Variants in ADIPOR2 observed in about 807,000 individuals in gnomAD.
ADIPOR2 encodes the protein adiponectin receptor protein 2.
Under a neutral mutation model 40.9 loss-of-function variants are expected in ADIPOR2, and 18 were observed. The observed-to-expected ratio is 0.44, with a 90% CI of 0.30 to 0.65. The LOEUF is 0.65. Among genes scored for constraint, ADIPOR2 ranks in the 30% least tolerant of loss-of-function variants. The pLI is 0.09. For missense variants in ADIPOR2, 283 were observed against 479.2 expected (o/e 0.59, Z 3.82); for synonymous variants, 165 against 166.4 (o/e 0.99, Z 0.06).
At chr12:1,693,695 G>A (rs1465533702) in intron 1 of ADIPOR2, among the ~76,000 whole-genome samples, 1 of 151,712 alleles carries the variant, frequency 6.6e-6, no homozygotes, top group Non-Finnish European at 1.5e-5. Flanking sequence ...CACCAAGCCC[G>A]GCCAATTTTT....
intron 1 of ADIPOR2, among the ~76,000 whole-genome samples, chr12:1,737,534 A>G (rs2094733403): frequency 6.6e-6 from 1 of 152,192 alleles, no homozygotes; most frequent in South Asian, 2.1e-4. Flanking sequence ...GAAAAGAAGT[A>G]CACCAGTGAG....
At chr12:1,725,178 A>G (rs975342393) in intron 1 of ADIPOR2, among the ~76,000 whole-genome samples, 3 of 151,278 alleles carry the variant, frequency 2.0e-5, no homozygotes, top group Admixed American at 6.6e-5. Flanking sequence ...CTGGAGTGCA[A>G]TGGCGCGATC....
At chr12:1,747,045 T>A (rs2094756669) in intron 1 of ADIPOR2, among the ~76,000 whole-genome samples, 1 of 136,756 alleles carries the variant, frequency 7.3e-6, no homozygotes, top group Non-Finnish European at 1.6e-5. Flanking sequence ...CCCCACTAAC[T>A]CCACTGCCCC....
At chr12:1,743,236 A>AAAAAAAC (rs1565645394) in intron 1 of ADIPOR2, among the ~76,000 whole-genome samples, 2 of 130,784 alleles carry the variant, frequency 1.5e-5, no homozygotes, top group East Asian at 2.2e-4. Flanking sequence ...TACCAAAAAA[A>AAAAAAAC]AAAAAAAAAA....
At chr12:1,757,847 C>G in intron 2 of ADIPOR2, 1 of 831,560 alleles carries the variant, frequency 1.2e-6, no homozygotes. Context: ...CATCTCCTGT[C>G]AGGGCTTACT....
At chr12:1,707,913 G>A (rs1308559088) in intron 1 of ADIPOR2, among the ~76,000 whole-genome samples, 1 of 152,070 alleles carries the variant, frequency 6.6e-6, no homozygotes, top group African/African-American at 2.4e-5. Context: ...TGAGTTACAA[G>A]TTCTTTATAT....
chr12:1,709,149 C>A (rs370547420), intron 1 of ADIPOR2, among the ~76,000 whole-genome samples: 3 of 152,228 alleles, frequency 2.0e-5, no homozygotes, highest in South Asian at 2.1e-4. Context: ...AAAAAGCCTG[C>A]TGGAATTTCA....
chr12:1,748,396 C>G (rs932774254), intron 1 of ADIPOR2, among the ~76,000 whole-genome samples: 3 of 151,990 alleles, frequency 2.0e-5, no homozygotes, highest in South Asian at 2.1e-4. Flanking sequence ...CTACAGGTGC[C>G]CGCCACCACG....
intron 1 of ADIPOR2, among the ~76,000 whole-genome samples, chr12:1,708,894 A>G (rs1430880931): frequency 1.3e-5 from 2 of 151,744 alleles, no homozygotes; most frequent in African/African-American, 2.4e-5. Flanking sequence ...TAATTTTTGT[A>G]TTTTTAGTAG....
chr12:1,778,451 A>C lies in ADIPOR2; in HGVS notation c.463+426A>C, dbSNP rs1051670708. Reference sequence around the variant, plus strand: ...TTTCTCCATAATGATTGTATATTAAAGAAAGAATACTGTAGAGGAAAGAAT... The same window carrying C: ...TTTCTCCATAATGATTGTATATTAACGAAAGAATACTGTAGAGGAAAGAAT... On this transcript the variant is annotated intron_variant, in intron 4 of 7. Coordinates refer to ENST00000357103, the MANE Select transcript of ADIPOR2 (RefSeq NM_024551.3). 4.5e-5 allele frequency: 7 copies of C among 155,376 alleles called. No individual in the cohort carries two copies. The South Asian group carries it at 1.4e-3, about 30-fold the overall frequency. The allele number at this position is 155,376 out of a possible 1,614,324, so 9.6% of individuals were successfully genotyped here.
intron 1 of ADIPOR2, among the ~76,000 whole-genome samples, chr12:1,701,557 A>T (rs937836949): frequency 1.3e-5 from 2 of 152,078 alleles, no homozygotes; most frequent in Non-Finnish European, 1.5e-5. Context: ...TTTCATGAAA[A>T]TTTTTTTGAT....
Position 1,768,886 on chromosome 12 carries a change from G to T in ADIPOR2, c.172-3956G>T, listed in dbSNP as rs1305287562. 3.3e-5 allele frequency among the ~76,000 whole-genome samples: 5 copies of T among 152,164 alleles called. No individual in the cohort carries two copies. The East Asian group carries it at 9.6e-4, about 29-fold the overall frequency. On this transcript the variant is annotated intron_variant, in intron 2 of 7. Coordinates refer to ENST00000357103, the MANE Select transcript of ADIPOR2 (RefSeq NM_024551.3). The stretch of plus-strand genomic sequence containing the variant: ...CATTTCAAAGCATTGACCTCTACAA[G>T]TTTAAATATAGTTATTCATAGAAAA...
intron 2 of ADIPOR2, among the ~76,000 whole-genome samples, chr12:1,758,716 A>ATT (rs61006760): frequency 2.0e-5 from 3 of 151,834 alleles, no homozygotes; most frequent in African/African-American, 7.3e-5. Context: ...CCATATGCTG[A>ATT]TTTTTTTTGT....
At chr12:1,720,971 A>G (rs1048082690) in intron 1 of ADIPOR2, among the ~76,000 whole-genome samples, 48 of 152,190 alleles carry the variant, frequency 3.2e-4, no homozygotes, top group African/African-American at 1.0e-3. Flanking sequence ...TTGGTCTCTC[A>G]CCTAACTTTA....
At position 1,735,311 on chromosome 12, in the gene ADIPOR2, G is replaced by A. The variant is rs997294204; in HGVS notation, c.-86-18947G>A. Among the ~76,000 whole-genome samples the A allele has an allele frequency of 1.9e-3, 286 of 152,134 alleles. 1 individual carries two copies. The highest frequency in any genetic ancestry group is 3.4e-3 in the Non-Finnish European group (231 of 67,990). On this transcript the variant is annotated intron_variant, in intron 1 of 7. Transcript: ENST00000357103. The stretch of plus-strand genomic sequence containing the variant: ...AGTTCTCCTTGAAGAGGTCCTTCAC[G>A]TCCCTTGTAAGTTGGATTCCTAGGT...
chr12:1,728,461 G>A (rs900350502), intron 1 of ADIPOR2, among the ~76,000 whole-genome samples: 5 of 151,544 alleles, frequency 3.3e-5, no homozygotes, highest in East Asian at 3.9e-4. Context: ...AGTGGCTCAC[G>A]CCTGTGATCC....
At chr12:1,772,294 T>C (rs551547266) in intron 2 of ADIPOR2, among the ~76,000 whole-genome samples, 2 of 152,364 alleles carry the variant, frequency 1.3e-5, no homozygotes, top group African/African-American at 2.4e-5. Context: ...AATGCTCTTA[T>C]ATGTTAAATG....
chr12:1,754,434 C>G lies in ADIPOR2; in HGVS notation c.91C>G (p.Arg31Gly), dbSNP rs777795564. Residue 31 changes from arginine (R) to glycine (G), a missense_variant, in exon 2 of 8, where the codon CGA becomes GGA. Physicochemically the swap from Arg to Gly is moderately radical, Grantham distance 125. Transcript: ENST00000357103. ...LRKGHQLDGTRRGDNDSHQGD... is the reference protein window; with the variant it reads ...LRKGHQLDGTGRGDNDSHQGD... ...AAAAGGGCACCAACTGGATGGTACA[C>G]GAAGAGGTGATAATGACAGCCACCA... is the stretch of plus-strand genomic sequence containing the variant. 1.7e-5 allele frequency: 27 copies of G among 1,613,352 alleles called. No individual in the cohort carries two copies. Among genetic ancestry groups the G allele is most frequent in the African/African-American group, 2.7e-5 (2 of 74,808 alleles).
In ADIPOR2 at chr12:1,743,237, A is replaced by AAAAAAAAAAC. The variant is rs1592604073; in HGVS notation, c.-86-11017_-86-11008dup. Among the ~76,000 whole-genome samples, 5 of 131,838 alleles carry AAAAAAAAAAC rather than the reference A, an allele frequency of 3.8e-5. No individual in the cohort carries two copies. In the East Asian group the frequency reaches 8.6e-4, roughly 23 times the overall value. The allele number at this position is 131,838 out of a possible 152,430, so 86.5% of individuals were successfully genotyped here. A position where few individuals can be genotyped will look rare whatever the true frequency, so the allele number is the denominator to read the frequency against. ...TGAAACCCCATCTCTACCAAAAAAA[A>AAAAAAAAAAC]AAAAAAAAACAAAGCAGTGAGCCAA... On this transcript the variant is annotated intron_variant, in intron 1 of 7. Coordinates refer to ENST00000357103, the MANE Select transcript of ADIPOR2 (RefSeq NM_024551.3).
Sources: gnomAD v4.1 joint callset for allele counts (sites outside exome capture counted in the v4.1 genomes callset) on GRCh38, gnomAD v4.1.1 for gene constraint, MANE v1.5 for transcripts, NCBI Gene and HGNC (gene_info 2026-07-23, HGNC 2026-07-21) for gene names.